RPTOR: variants seen among roughly 807,000 people sequenced by gnomAD.
The protein encoded by RPTOR is regulatory-associated protein of mTOR.
A neutral mutation model predicts 169.9 loss-of-function variants in RPTOR; 21 were observed. The ratio of observed to expected loss-of-function variants is 0.12; its 90% CI spans 0.09 to 0.18. The LOEUF (loss-of-function observed/expected upper bound fraction) is 0.18. Among genes scored for constraint, RPTOR ranks in the 10% least tolerant of loss-of-function variants. The pLI is 1.00. For synonymous variants in RPTOR, 732 were observed against 753.2 expected (o/e 0.97, Z 0.46); for missense variants, 1,133 against 1,855.9 (o/e 0.61, Z 7.16).
At chr17:80,929,586 C>T (rs1379704580) in intron 24 of RPTOR, among the ~76,000 whole-genome samples, 2 of 152,234 alleles carry the variant, frequency 1.3e-5, no homozygotes, top group East Asian at 1.9e-4. Context: ...TTGGCGGCTC[C>T]GCAGAGCATG....
At chr17:80,766,772 G>T (rs1443692135) in intron 6 of RPTOR, among the ~76,000 whole-genome samples, 1 of 152,012 alleles carries the variant, frequency 6.6e-6, no homozygotes, top group Non-Finnish European at 1.5e-5. Flanking sequence ...AAAATTTAAT[G>T]CTATTTGTAG....
chr17:80,963,465 G>A (rs1320523836), intron 33 of RPTOR, among the ~76,000 whole-genome samples: 2 of 30,858 alleles, frequency 6.5e-5, no homozygotes, highest in African/African-American at 3.0e-4. Context: ...CCCTCACCCC[G>A]TCCCCTGTGC....
chr17:80,674,281 C>A (rs150244123), intron 3 of RPTOR, among the ~76,000 whole-genome samples: 1 of 152,142 alleles, frequency 6.6e-6, no homozygotes, highest in African/African-American at 2.4e-5. Context: ...TTTTGAAGTA[C>A]GTGCATAGTT....
intron 13 of RPTOR, among the ~76,000 whole-genome samples, chr17:80,859,467 G>A (rs978763213): frequency 3.3e-5 from 5 of 152,236 alleles, no homozygotes; most frequent in Admixed American, 6.5e-5. Flanking sequence ...TCCGTGTGCG[G>A]AGGGGCACAC....
At chr17:80,873,873 C>T (rs987295335) in intron 13 of RPTOR, among the ~76,000 whole-genome samples, 10 of 152,284 alleles carry the variant, frequency 6.6e-5, no homozygotes, top group South Asian at 6.2e-4. Flanking sequence ...GCGTCAGGCC[C>T]GGCAGGACAG....
chr17:80,598,882 T>TCTATCTATCTA (rs2065164189), intron 1 of RPTOR, among the ~76,000 whole-genome samples: 11 of 146,872 alleles, frequency 7.5e-5, no homozygotes, highest in African/African-American at 2.5e-4. Flanking sequence ...TCTTGATTCT[T>TCTATCTATCTA]TCTATCTATC....
At chr17:80,546,897 T>G (rs1328799955) in intron 1 of RPTOR, among the ~76,000 whole-genome samples, 1 of 151,998 alleles carries the variant, frequency 6.6e-6, no homozygotes, top group African/African-American at 2.4e-5. Context: ...GGTGAAACCC[T>G]GTCTGTACTA....
chr17:80,566,392 T>C (rs1329777694), intron 1 of RPTOR, among the ~76,000 whole-genome samples: 8 of 152,196 alleles, frequency 5.3e-5, no homozygotes, highest in Admixed American at 5.2e-4. Flanking sequence ...ACAGAACAGA[T>C]TTTATGGTAT....
intron 7 of RPTOR, among the ~76,000 whole-genome samples, chr17:80,814,294 G>A (rs1344163499): frequency 6.6e-6 from 1 of 151,884 alleles, no homozygotes; most frequent in African/African-American, 2.4e-5. Flanking sequence ...AAGCACATAA[G>A]CAAAAAGAAT....
intron 3 of RPTOR, among the ~76,000 whole-genome samples, chr17:80,647,626 A>G (rs1398481747): frequency 1.3e-5 from 2 of 152,144 alleles, no homozygotes; most frequent in East Asian, 1.9e-4. Context: ...ATAAGTTTCT[A>G]TGGGAATATC....
At chr17:80,668,341 G>A (rs187505493) in intron 3 of RPTOR, among the ~76,000 whole-genome samples, 6 of 152,248 alleles carry the variant, frequency 3.9e-5, no homozygotes, top group African/African-American at 7.2e-5. Context: ...TTTTCATCAT[G>A]TTCCTAGGCT....
At chr17:80,648,357 T>C (rs188614591) in intron 3 of RPTOR, among the ~76,000 whole-genome samples, 408 of 152,184 alleles carry the variant, frequency 2.7e-3, no homozygotes, top group Non-Finnish European at 4.1e-3. Flanking sequence ...CAGAACTGAA[T>C]GTTTATGTGT....
At chr17:80,760,405 G>A (rs1304627396) in intron 6 of RPTOR, among the ~76,000 whole-genome samples, 2 of 147,470 alleles carry the variant, frequency 1.4e-5, no homozygotes, top group African/African-American at 2.5e-5. Context: ...CGGTTCAAGC[G>A]ATTCTCCTGC....
At chr17:80,950,688 C>T (rs2069164606) in intron 28 of RPTOR, among the ~76,000 whole-genome samples, 1 of 152,090 alleles carries the variant, frequency 6.6e-6, no homozygotes. Context: ...AAGTGAGCCC[C>T]AGCCCGGGGC....
At chr17:80,778,199 A>G (rs377250678) in intron 6 of RPTOR, among the ~76,000 whole-genome samples, 1 of 152,232 alleles carries the variant, frequency 6.6e-6, no homozygotes, top group South Asian at 2.1e-4. Flanking sequence ...GGCCAGTGAC[A>G]TCTCTGATCT....
rs546226496 is a variant in RPTOR, at chr17:80,828,590, C to T, written c.1136+5367C>T. On this transcript the variant is annotated intron_variant, in intron 9 of 33. Transcript: ENST00000306801. ...TTTACGGCCTTTACAGTGCTGGCCC[C>T]GGTGGCCACCCACCTGCCTGCCCAC... 5.3e-4 allele frequency among the ~76,000 whole-genome samples: 81 copies of T among 152,336 alleles called. 1 individual carries two copies. Among genetic ancestry groups the T allele is most frequent in the African/African-American group, 1.9e-3 (78 of 41,578 alleles).
chr17:80,719,711 G>A (rs1035787677), intron 4 of RPTOR, among the ~76,000 whole-genome samples: 4 of 152,112 alleles, frequency 2.6e-5, no homozygotes, highest in Non-Finnish European at 4.4e-5. Flanking sequence ...TCGTGGCCCC[G>A]AAAGGTCAGG....
chr17:80,766,864 A>G (rs1567901191), intron 6 of RPTOR, among the ~76,000 whole-genome samples: 1 of 152,234 alleles, frequency 6.6e-6, no homozygotes, highest in Non-Finnish European at 1.5e-5. Flanking sequence ...AACCCTAAGT[A>G]AGTAGAAGAA....
At chr17:80,880,596 T>TCAAG in intron 14 of RPTOR, 107 bp downstream of exon 14, 1 of 1,077,142 alleles carries the variant, frequency 9.3e-7, no homozygotes. Flanking sequence ...AGGAGAAAGG[T>TCAAG]CAAGGGTCAC....
Sources: allele counts gnomAD v4.1 joint callset (sites outside exome capture counted in the v4.1 genomes callset), GRCh38; gene constraint gnomAD v4.1.1; transcripts MANE v1.5; gene names NCBI Gene and HGNC (gene_info 2026-07-23, HGNC 2026-07-21).